BRI3: variants seen among roughly 807,000 people sequenced by gnomAD.
BRI3 encodes membrane protein BRI3.
BRI3 carries 6 observed loss-of-function variants against 12.8 expected under a neutral mutation model. The ratio of observed to expected loss-of-function variants is 0.47; its 90% CI spans 0.26 to 0.93. BRI3 has a LOEUF of 0.93. Ranked by LOEUF, BRI3 falls within the 40% of genes least tolerant of loss-of-function variation. The pLI, the probability that BRI3 is intolerant of heterozygous loss-of-function variation, is 0.15. For missense variants in BRI3, 134 were observed against 171.1 expected, an observed-to-expected ratio of 0.78 and a Z score of 1.21; for synonymous variants, 91 against 76.1, an observed-to-expected ratio of 1.20 and a Z score of -1.02.
At chr7:98,319,812 AAGTGCTGGGAT>A in the BRI3 span, among the ~76,000 whole-genome samples, 3 of 152,150 alleles carry the variant, frequency 2.0e-5, no homozygotes, top group Non-Finnish European at 2.9e-5. Flanking sequence ...TGGCCTCCCA[AAGTGCTGGGAT>A]TACAGGCATG....
chr7:98,308,230 C>T (rs2116862051), exon 2 of BRI3: 4 of 506,416 alleles, frequency 7.9e-6, no homozygotes, highest in South Asian at 4.6e-5. Context: ...AGAGACAAAC[C>T]GCTCCAACGC....
upstream of BRI3, among the ~76,000 whole-genome samples, chr7:98,301,749 C>G (rs947399582): frequency 6.6e-6 from 1 of 152,054 alleles, no homozygotes; most frequent in African/African-American, 2.4e-5. Flanking sequence ...TTGGCAGGTG[C>G]GGCCTGTGGA....
chr7:98,286,609 G>T (rs1325955614), intron 2 of BRI3, among the ~76,000 whole-genome samples: 1 of 152,194 alleles, frequency 6.6e-6, no homozygotes, highest in East Asian at 1.9e-4. Flanking sequence ...TCCGGGGCAG[G>T]GGTTCCCCTT....
At chr7:98,292,977 C>A, downstream of BRI3, 2 of 1,196,144 alleles carry the variant, frequency 1.7e-6, no homozygotes, top group Non-Finnish European at 1.0e-6. Context: ...GGGGTTTCTC[C>A]ATCTCTGGAA....
In BRI3 at chr7:98,291,507, A is replaced by T; in HGVS notation, c.*264A>T. 2.4e-6 allele frequency: 3 copies of T among 1,269,108 alleles called. No individual in the cohort carries two copies. Among genetic ancestry groups the T allele is most frequent in the Non-Finnish European group, 3.0e-6 (3 of 1,001,302 alleles). The allele number at this position is 1,269,108 out of a possible 1,614,324, so 78.6% of individuals were successfully genotyped here. A position where few individuals can be genotyped will look rare whatever the true frequency, so the allele number is the denominator to read the frequency against. On this transcript the variant is annotated 3_prime_UTR_variant, in exon 3 of 3. Coordinates refer to ENST00000297290, the MANE Select transcript of BRI3 (RefSeq NM_015379.5). Reference sequence around the variant, plus strand: ...AAGGTGAGAAATAATGTTTTCAATAAATGAGATTCATACCATTGTTGACCT... The same window carrying T: ...AAGGTGAGAAATAATGTTTTCAATATATGAGATTCATACCATTGTTGACCT...
chr7:98,300,429 C>A, intron 1 of BRI3, among the ~76,000 whole-genome samples: 1 of 152,200 alleles, frequency 6.6e-6, no homozygotes, highest in East Asian at 1.9e-4. Context: ...CAGTTGCAGT[C>A]CCTCCCCGCA....
intron 1 of BRI3, among the ~76,000 whole-genome samples, 190 bp downstream of exon 1, chr7:98,282,127 C>G (rs987830459): frequency 1.3e-5 from 2 of 152,206 alleles, no homozygotes; most frequent in African/African-American, 4.8e-5. Flanking sequence ...TCGGGCCCGT[C>G]GTAACCCGGC....
chr7:98,283,969 C>T (rs944411894), intron 2 of BRI3, among the ~76,000 whole-genome samples: 3 of 152,238 alleles, frequency 2.0e-5, no homozygotes, highest in African/African-American at 7.2e-5. Flanking sequence ...CTTCCCCTTC[C>T]CTAGGTGGGA....
rs759016514 is a variant in BRI3 at position 98,310,412 on chromosome 7, G to A, written n.3042G>A. The A allele has an allele frequency of 2.6e-5, 40 of 1,557,678 alleles. No homozygotes were observed. In the South Asian group the frequency reaches 4.7e-4, roughly 18 times the overall value. On this transcript the variant is annotated non_coding_transcript_exon_variant, in exon 2 of 2. Coordinates refer to the BRI3 transcript ENST00000485422. ...GCTTATCTTAAAACAAATGTAAAAG[G>A]TATCTTCAAATAAATCAGACTGAAT...
upstream of BRI3, among the ~76,000 whole-genome samples, chr7:98,302,168 T>TA (rs1800456684): frequency 6.6e-6 from 1 of 152,210 alleles, no homozygotes; most frequent in Non-Finnish European, 1.5e-5. Context: ...CACTGATACT[T>TA]ACAACCAGGC....
chr7:98,310,572 G>A, downstream of BRI3: 1 of 1,588,118 alleles, frequency 6.3e-7, no homozygotes, highest in Non-Finnish European at 8.5e-7. Context: ...ATTTAGAAAG[G>A]GTGTCGTAAT....
chr7:98,320,910 G>T, the BRI3 span, among the ~76,000 whole-genome samples: 5 of 152,242 alleles, frequency 3.3e-5, no homozygotes, highest in Non-Finnish European at 7.3e-5. Context: ...AGGCTGGAGT[G>T]CAGTGGCACG....
intron 1 of BRI3, among the ~76,000 whole-genome samples, chr7:98,299,967 G>C (rs1800354242): frequency 6.6e-6 from 1 of 152,194 alleles, no homozygotes; most frequent in Non-Finnish European, 1.5e-5. Flanking sequence ...CTTGAGCCCG[G>C]GAAGTGGAGG....
At chr7:98,309,846 GCAGA>G (rs1159089167) in exon 2 of BRI3, 14 of 152,098 alleles carry the variant, frequency 9.2e-5, no homozygotes, top group African/African-American at 2.5e-4. Flanking sequence ...GGCAACATCT[GCAGA>G]CAGTCACTGG....
upstream of BRI3, among the ~76,000 whole-genome samples, chr7:98,303,924 A>G (rs185926709): frequency 1.3e-5 from 2 of 152,356 alleles, no homozygotes; most frequent in East Asian, 1.9e-4. Flanking sequence ...ACCTAATAAA[A>G]TCTAGCAAAC....
At chr7:98,308,066 AG>A in exon 2 of BRI3, 1 of 735,324 alleles carries the variant, frequency 1.4e-6, no homozygotes, top group South Asian at 1.5e-5. Context: ...CAGAAGGAAC[AG>A]GGACTGTTGA....
At chr7:98,308,091 C>T (rs763343561) in exon 2 of BRI3, 25 of 697,448 alleles carry the variant, frequency 3.6e-5, no homozygotes, top group African/African-American at 8.8e-5. Flanking sequence ...ACAGAGGCAG[C>T]GTGCAGCCTG....
downstream of BRI3, chr7:98,315,392 C>A: frequency 7.7e-7 from 1 of 1,304,604 alleles, no homozygotes; most frequent in Non-Finnish European, 9.9e-7. Context: ...CACGGCCCAG[C>A]CTTCTGGGGC....
At chr7:98,310,131 G>A (rs1417677950) in exon 2 of BRI3, 24 of 245,346 alleles carry the variant, frequency 9.8e-5, no homozygotes, top group South Asian at 9.7e-5. Flanking sequence ...GATTACAGGC[G>A]TGAGCCACCG....
Sources: gnomAD v4.1 joint callset for allele counts (sites outside exome capture counted in the v4.1 genomes callset) on GRCh38, gnomAD v4.1.1 for gene constraint, MANE v1.5 for transcripts, NCBI Gene and HGNC (gene_info 2026-07-23, HGNC 2026-07-21) for gene names.